Variants in TTC28 observed in about 807,000 individuals in gnomAD.
The protein encoded by TTC28 is tetratricopeptide repeat domain 28, also known as tetratricopeptide repeat protein 28.
TTC28 carries 61 observed loss-of-function variants against 198.0 expected under a neutral mutation model. The ratio of observed to expected loss-of-function variants is 0.31; its 90% CI spans 0.25 to 0.38. TTC28 has a LOEUF of 0.38. Ranked by LOEUF, TTC28 falls within the 10% of genes least tolerant of loss-of-function variation. The pLI is 1.00. For synonymous variants in TTC28, 1,171 were observed against 1,297.8 expected (o/e 0.90, Z 2.10); for missense variants, 2,678 against 3,164.0 (o/e 0.85, Z 3.69).
intron 2 of TTC28, among the ~76,000 whole-genome samples, chr22:28,500,958 A>C (rs2048529972): frequency 6.6e-6 from 1 of 152,196 alleles, no homozygotes. Context: ...GCAAACTTGC[A>C]AAACAGGACA....
chr22:28,043,257 A>G (rs979400562), intron 12 of TTC28, among the ~76,000 whole-genome samples: 2 of 150,276 alleles, frequency 1.3e-5, no homozygotes, highest in Non-Finnish European at 3.0e-5. Flanking sequence ...AAAAAAAAAA[A>G]AAAAAAAAAA....
intron 12 of TTC28, among the ~76,000 whole-genome samples, chr22:28,036,225 GAAT>G (rs1233454867): frequency 6.6e-6 from 1 of 151,982 alleles, no homozygotes; most frequent in Non-Finnish European, 1.5e-5. Flanking sequence ...TTCTAAAATT[GAAT>G]AATAAAATAA....
At chr22:28,311,973 CA>C (rs1011932535) in intron 2 of TTC28, among the ~76,000 whole-genome samples, 1 of 142,066 alleles carries the variant, frequency 7.0e-6, no homozygotes. Context: ...ATCTCACGTG[CA>C]AAGATATACA....
rs886673807 is a variant in TTC28, at chr22:27,978,446, ATTAT to A, written c.*3771_*3774del. The stretch of plus-strand genomic sequence containing the variant: ...TGGCATTTTTCCAGCCTGAACTGAA[ATTAT>A]CAAGGCTACAGTTCTTCTTGTGGGT... On this transcript the variant is annotated 3_prime_UTR_variant, in exon 23 of 23. Coordinates refer to ENST00000397906, the MANE Select transcript of TTC28 (RefSeq NM_001145418.2). 7 of 152,328 alleles carry A rather than the reference ATTAT, an allele frequency of 4.6e-5. No individual in the cohort carries two copies. The highest frequency in any genetic ancestry group is 1.7e-4 in the African/African-American group (7 of 41,590). 9.4% of individuals were successfully genotyped at this position (152,328 alleles called of 1,614,324 possible). A position where few individuals can be genotyped will look rare whatever the true frequency, so the allele number is the denominator to read the frequency against.
intron 5 of TTC28, among the ~76,000 whole-genome samples, chr22:28,272,746 G>C (rs1569233111): frequency 6.6e-6 from 1 of 152,184 alleles, no homozygotes; most frequent in Non-Finnish European, 1.5e-5. Flanking sequence ...GGAACTCACA[G>C]AAACTTAGCA....
intron 2 of TTC28, among the ~76,000 whole-genome samples, chr22:28,602,017 G>C (rs540803332): frequency 1.4e-4 from 21 of 152,110 alleles, no homozygotes; most frequent in Non-Finnish European, 2.8e-4. Context: ...GGGAAACAAA[G>C]CAAGGGATGG....
chr22:28,176,597 A>C (rs1204252387), intron 5 of TTC28, among the ~76,000 whole-genome samples: 2 of 152,224 alleles, frequency 1.3e-5, no homozygotes, highest in Non-Finnish European at 2.9e-5. Context: ...AATAAATGAT[A>C]AATGCATGAG....
intron 2 of TTC28, among the ~76,000 whole-genome samples, chr22:28,348,144 T>C (rs533346027): frequency 3.9e-5 from 6 of 152,330 alleles, no homozygotes; most frequent in Admixed American, 3.3e-4. Flanking sequence ...TAGAAGAAGA[T>C]TCCCGTAGGG....
At chr22:28,460,991 A>G (rs760091152) in intron 2 of TTC28, among the ~76,000 whole-genome samples, 1 of 152,122 alleles carries the variant, frequency 6.6e-6, no homozygotes, top group Non-Finnish European at 1.5e-5. Context: ...GCCTCCTATG[A>G]TTTTAAGTAG....
chr22:28,100,344 T>C (rs1343888188), intron 9 of TTC28, among the ~76,000 whole-genome samples: 1 of 152,240 alleles, frequency 6.6e-6, no homozygotes, highest in Non-Finnish European at 1.5e-5. Context: ...GGATAGTTTC[T>C]ACCTCACAGG....
chr22:28,032,258 TATATATATAG>T (rs1461545984), intron 12 of TTC28, among the ~76,000 whole-genome samples: 4 of 93,388 alleles, frequency 4.3e-5, no homozygotes, highest in African/African-American at 2.0e-4. Context: ...AAAATATATA[TATATATATAG>T]TGTGTGTGTG....
intron 13 of TTC28, among the ~76,000 whole-genome samples, chr22:28,027,083 T>C (rs1341865811): frequency 6.6e-6 from 1 of 152,142 alleles, no homozygotes; most frequent in Non-Finnish European, 1.5e-5. Flanking sequence ...TACACACATA[T>C]CATATATACA....
chr22:28,081,107 A>T (rs536741338), intron 12 of TTC28, among the ~76,000 whole-genome samples: 3 of 150,824 alleles, frequency 2.0e-5, no homozygotes, highest in Admixed American at 2.0e-4. Flanking sequence ...ACATATGTAC[A>T]TATATATTTA....
At chr22:27,994,014 C>T (rs887821793) in intron 17 of TTC28, among the ~76,000 whole-genome samples, 1 of 152,244 alleles carries the variant, frequency 6.6e-6, no homozygotes, top group African/African-American at 2.4e-5. Flanking sequence ...CCTATACCTC[C>T]CTCCACCGGG....
intron 2 of TTC28, among the ~76,000 whole-genome samples, chr22:28,619,336 C>G (rs1298016469): frequency 6.6e-6 from 1 of 152,126 alleles, no homozygotes; most frequent in Admixed American, 6.6e-5. Context: ...AAAATGGAAG[C>G]TTAGGGAGGT....
intron 13 of TTC28, among the ~76,000 whole-genome samples, chr22:28,018,792 C>T (rs1411770007): frequency 1.3e-5 from 2 of 152,126 alleles, no homozygotes; most frequent in South Asian, 2.1e-4. Flanking sequence ...GCCAGAGGTG[C>T]GCATGGTGGG....
intron 2 of TTC28, among the ~76,000 whole-genome samples, chr22:28,621,190 A>G (rs2050989049): frequency 6.6e-6 from 1 of 152,172 alleles, no homozygotes; most frequent in Non-Finnish European, 1.5e-5. Flanking sequence ...ATTTTCCACA[A>G]ACTTTTTGAA....
At position 28,009,809 on chromosome 22, in the gene TTC28, T is replaced by A. The variant is rs141750094; in HGVS notation, c.4218+4439A>T. On this transcript the variant is annotated intron_variant, in intron 14 of 22. Coordinates refer to ENST00000397906, the MANE Select transcript of TTC28 (RefSeq NM_001145418.2). ...TGCCTGGCACAAGTCAGTAAATATC[T>A]GTTGAATGAATGGATAAAACTGGGG... Among the ~76,000 whole-genome samples the A allele has an allele frequency of 3.2e-4, 49 of 152,368 alleles. 1 individual carries two copies. The East Asian group carries it at 7.9e-3, about 25-fold the overall frequency.
intron 2 of TTC28, among the ~76,000 whole-genome samples, chr22:28,490,976 A>T (rs990983959): frequency 1.3e-5 from 2 of 152,232 alleles, no homozygotes; most frequent in African/African-American, 4.8e-5. Context: ...TAAGCTGTTT[A>T]TTCAAGAAGT....
Sources: gnomAD v4.1 joint callset for allele counts (sites outside exome capture counted in the v4.1 genomes callset) on GRCh38, gnomAD v4.1.1 for gene constraint, MANE v1.5 for transcripts, NCBI Gene and HGNC (gene_info 2026-07-23, HGNC 2026-07-21) for gene names.